MEFV: variants seen among roughly 807,000 people sequenced by gnomAD.
MEFV encodes MEFV innate immunity regulator, pyrin.
MEFV carries 60 observed loss-of-function variants against 62.5 expected under a neutral mutation model. The ratio of observed to expected loss-of-function variants is 0.96; its 90% CI spans 0.78 to 1.19. The LOEUF (loss-of-function observed/expected upper bound fraction) is 1.19. MEFV is among the 50% of genes most tolerant of loss of function. MEFV has a pLI of 0.00. For synonymous variants in MEFV, 500 were observed against 415.2 expected, an observed-to-expected ratio of 1.20 and a Z score of -2.48; for missense variants, 1,169 against 1,004.5, an observed-to-expected ratio of 1.16 and a Z score of -2.21.
chr16:3,246,903 A>T, intron 5 of MEFV, 113 bp downstream of exon 5: 1 of 1,032,970 alleles, frequency 9.7e-7, no homozygotes. Flanking sequence ...GTCCTATCCT[A>T]GGCCTTAGGG....
chr16:3,246,320 C>T, intron 6 of MEFV: 2 of 615,150 alleles, frequency 3.3e-6, no homozygotes, highest in African/African-American at 1.8e-5. Context: ...TCTGCAGCTC[C>T]ATACCCGGCC....
chr16:3,252,774 C>T (rs224220), intron 2 of MEFV, among the ~76,000 whole-genome samples: 30,184 of 117,632 alleles, frequency 0.26, 3,898 homozygotes, highest in Admixed American at 0.36. Context: ...CTCGTAACTA[C>T]AAAAAATACA....
chr16:3,253,554 C>T (rs1004992677), intron 2 of MEFV, among the ~76,000 whole-genome samples: 2 of 152,130 alleles, frequency 1.3e-5, no homozygotes, highest in Non-Finnish European at 2.9e-5. Context: ...TGCTCTGTTG[C>T]CCAGGCCGGA....
At chr16:3,253,683 T>A (rs1454244412) in intron 2 of MEFV, among the ~76,000 whole-genome samples, 1 of 151,874 alleles carries the variant, frequency 6.6e-6, no homozygotes, top group Non-Finnish European at 1.5e-5. Context: ...CCAGCTAATT[T>A]TTTTTTTAGT....
rs759300401 is a variant in MEFV, at chr16:3,244,480, G to A, written c.1719C>T (p.Tyr573=). 1 of 1,613,666 alleles carries A rather than the reference G, an allele frequency of 6.2e-7. No individual in the cohort carries two copies. The highest frequency in any genetic ancestry group is 1.3e-5 in the African/African-American group (1 of 75,034). Residue 573 remains tyrosine, a synonymous_variant, in exon 7 of 10, where the codon TAC becomes TAT. Coordinates refer to ENST00000219596, the MANE Select transcript of MEFV (RefSeq NM_000243.3). ...KSEFVEKSTK[Y]FSETLRSEME... Reference sequence around the variant, plus strand: ...TCTCCCAAGCCCATCTACCTGAGAAGTACTTTGTGCTCTTCTCCACAAACT... The same window carrying A: ...TCTCCCAAGCCCATCTACCTGAGAAATACTTTGTGCTCTTCTCCACAAACT...
intron 6 of MEFV, among the ~76,000 whole-genome samples, chr16:3,244,915 T>C (rs577159152): frequency 1.3e-5 from 2 of 151,918 alleles, no homozygotes; most frequent in South Asian, 2.1e-4. Flanking sequence ...AATAAAAAGA[T>C]AATAAATGAA....
At chr16:3,246,383 G>T in intron 6 of MEFV, 142 bp downstream of exon 6, 3 of 923,706 alleles carry the variant, frequency 3.2e-6, no homozygotes, top group Non-Finnish European at 5.1e-6. Context: ...GAGAGGCTTT[G>T]GGAAGCTGCA....
Position 3,249,422 on chromosome 16 carries a change from A to C in MEFV, c.1260+9T>G, listed in dbSNP as rs1278754165. 6.2e-7 allele frequency: 1 copy of C among 1,611,794 alleles called. No individual in the cohort carries two copies. The highest frequency in any genetic ancestry group is 1.7e-5 in the Admixed American group (1 of 60,022). On this transcript the variant is annotated intron_variant, in intron 3 of 9. Transcript: ENST00000219596. ...GGCAGAGAAGAGCCCACAGGCAGGG[A>C]GTGCCTACCTTGTGTTCCAGGGCGA...
Position 3,256,339 on chromosome 16 carries a change from G to C in MEFV, c.249C>G (p.Ala83=). 1 of 1,613,886 alleles carries C rather than the reference G, an allele frequency of 6.2e-7. No individual in the cohort carries two copies. Among genetic ancestry groups the C allele is most frequent in the South Asian group, 1.1e-5 (1 of 91,078 alleles). The change falls in exon 1 of 10, where the codon GCC becomes GCG. Residue 83 remains alanine, a synonymous_variant. Transcript: ENST00000219596. ...VLRAINQRLL[A]EELHRAAIQE... Reference sequence around the variant, plus strand: ...GAATGGCTGCCCTGTGGAGCTCCTCGGCCAGCAGGCGCTGGTTGATGGCCC... The same window carrying C: ...GAATGGCTGCCCTGTGGAGCTCCTCCGCCAGCAGGCGCTGGTTGATGGCCC...
chr16:3,247,301 T>C, intron 4 of MEFV, 55 bp from the exon 5 acceptor site: 3 of 1,532,410 alleles, frequency 2.0e-6, no homozygotes, highest in Non-Finnish European at 2.7e-6. Context: ...TGGACGTGGA[T>C]GTCCAGGAAC....
At chr16:3,255,188 G>A (rs943556284) in intron 1 of MEFV, among the ~76,000 whole-genome samples, 2 of 152,146 alleles carry the variant, frequency 1.3e-5, no homozygotes, top group East Asian at 3.9e-4. Context: ...GCGGTGGTGC[G>A]CACCTGTAGT....
chr16:3,251,640 TC>T (rs1167916223), intron 2 of MEFV, among the ~76,000 whole-genome samples: 1 of 152,206 alleles, frequency 6.6e-6, no homozygotes, highest in Non-Finnish European at 1.5e-5. Flanking sequence ...AATAGGCTTT[TC>T]TTTCTGCTGA....
Position 3,254,779 on chromosome 16 carries a change from G to C in MEFV, c.289C>G (p.Gln97Glu), listed in dbSNP as rs747515115. Residue 97 changes from glutamine (Q) to glutamate (E), a missense_variant, in exon 2 of 10, where the codon CAA becomes GAA. Physicochemically the swap from Gln to Glu is conservative, Grantham distance 29. Coordinates refer to ENST00000219596, the MANE Select transcript of MEFV (RefSeq NM_000243.3). ...HRAAIQEYST[Q>E]ENGTDDSAAS... Reference sequence around the variant, plus strand: ...GCGGAATCATCTGTGCCGTTTTCTTGTGTGGAATATTCTGGAAGGACAACC... The same window carrying C: ...GCGGAATCATCTGTGCCGTTTTCTTCTGTGGAATATTCTGGAAGGACAACC... 1.2e-6 allele frequency: 2 copies of C among 1,612,022 alleles called. No homozygotes were observed. Among genetic ancestry groups the C allele is most frequent in the Non-Finnish European group, 1.7e-6 (2 of 1,179,998 alleles).
chr16:3,247,265 G>T lies in MEFV; in HGVS notation c.1357-19C>A. The T allele has an allele frequency of 6.2e-7, 1 of 1,610,814 alleles. No individual in the cohort carries two copies. Among genetic ancestry groups the T allele is most frequent in the Non-Finnish European group, 8.5e-7 (1 of 1,177,654 alleles). On this transcript the variant is annotated intron_variant, in intron 4 of 9. Transcript: ENST00000219596. ...TTTGTTTCTGGGGAGCAGAGGACAGGGAGGTATGGGGGTCTGTGCTGTGGG... is the reference window on the plus strand; with the variant it reads ...TTTGTTTCTGGGGAGCAGAGGACAGTGAGGTATGGGGGTCTGTGCTGTGGG...
chr16:3,244,080 CTCAG>C (rs1477937938), intron 8 of MEFV, 170 bp downstream of exon 8: 2 of 1,551,728 alleles, frequency 1.3e-6, no homozygotes, highest in Admixed American at 2.0e-5. Flanking sequence ...AATGAGTCAA[CTCAG>C]TCAATGAGTC....
intron 6 of MEFV, among the ~76,000 whole-genome samples, chr16:3,245,868 G>A (rs944896951): frequency 2.0e-5 from 3 of 152,112 alleles, no homozygotes; most frequent in Non-Finnish European, 4.4e-5. Context: ...GCAGATATTT[G>A]TACACCCTTG....
Position 3,243,150 on chromosome 16 carries a change from C to A in MEFV, c.2337G>T (p.Gly779=). The A allele has an allele frequency of 6.2e-7, 1 of 1,613,340 alleles. No homozygotes were observed. Among genetic ancestry groups the A allele is most frequent in the South Asian group, 1.1e-5 (1 of 91,050 alleles). ...ATGCAGTGTTGGGCATTCAGTCAGG[C>A]CCCTGACCACCCACTGGACAGATAG... is the stretch of plus-strand genomic sequence containing the variant. ...PLTICPVGGQ[G]PD The change falls in exon 10 of 10, where the codon GGG becomes GGT. Residue 779 remains glycine (G), a synonymous_variant. Transcript: ENST00000219596.
At chr16:3,253,779 C>T (rs1009219160) in intron 2 of MEFV, among the ~76,000 whole-genome samples, 5 of 152,044 alleles carry the variant, frequency 3.3e-5, no homozygotes, top group Admixed American at 2.0e-4. Context: ...ACTCCGTCTG[C>T]TCAAGTGAAC....
rs1555459404 is a variant in MEFV at position 3,254,536 on chromosome 16, G to A, written c.532C>T (p.Arg178Trp). The A allele has an allele frequency of 1.9e-6, 3 of 1,555,030 alleles. No homozygotes were observed. Among genetic ancestry groups the A allele is most frequent in the Non-Finnish European group, 2.6e-6 (3 of 1,153,844 alleles). The change falls in exon 2 of 10, where the codon CGG (arginine) becomes TGG (tryptophan). Residue 178 changes from arginine (R) to tryptophan (W), a missense_variant. Coordinates refer to ENST00000219596, the MANE Select transcript of MEFV (RefSeq NM_000243.3). The stretch of plus-strand genomic sequence containing the variant: ...CTCCCGCCCGGCAGGGCCGGGCTCC[G>A]GGTCCGAGGCTTGCCCTGCGCGTCC... The part of the protein sequence containing the change: ...GLDAQGKPRT[R>W]SPALPGGRSP...
Sources: allele counts gnomAD v4.1 joint callset (sites outside exome capture counted in the v4.1 genomes callset), GRCh38; gene constraint gnomAD v4.1.1; transcripts MANE v1.5; gene names NCBI Gene and HGNC (gene_info 2026-07-23, HGNC 2026-07-21).